ANO4: variants seen among roughly 807,000 people sequenced by gnomAD.
ANO4 encodes the protein anoctamin 4, also known as anoctamin-4.
In ANO4, 69 loss-of-function variants were observed where a neutral mutation model predicts 141.9. The observed-to-expected ratio is 0.49, with a 90% CI of 0.40 to 0.59. The LOEUF is 0.59. ANO4 is among the 20% of genes least tolerant of loss of function. The probability of loss-of-function intolerance (pLI) is 0.00; values close to 1 mark genes in which losing one functional copy is unlikely to be tolerated. For synonymous variants in ANO4, 350 were observed against 394.3 expected, an observed-to-expected ratio of 0.89 and a Z score of 1.33; for missense variants, 894 against 1,162.2, an observed-to-expected ratio of 0.77 and a Z score of 3.36.
chr12:101,014,329 C>T (rs2046227607), intron 8 of ANO4, among the ~76,000 whole-genome samples: 1 of 152,152 alleles, frequency 6.6e-6, no homozygotes, highest in South Asian at 2.1e-4. Context: ...TTTCTCCCTT[C>T]CTAGCAAAAG....
Position 101,110,572 on chromosome 12 carries a change from G to T in ANO4, c.2302+16G>T. On this transcript the variant is annotated intron_variant, in intron 23 of 27. Transcript: ENST00000392977. ...AAAGACATAGGTAAGTTGGATTTGG[G>T]TATGTTTTTAAAAAACATATTAAAC... 2.0e-6 allele frequency: 3 copies of T among 1,528,186 alleles called. No homozygotes were observed. Among genetic ancestry groups the T allele is most frequent in the East Asian group, 2.4e-5 (1 of 42,188 alleles). The allele number at this position is 1,528,186 out of a possible 1,614,324, so 94.7% of individuals were successfully genotyped here.
intron 3 of ANO4, among the ~76,000 whole-genome samples, chr12:100,741,245 C>T (rs1440150077): frequency 6.6e-6 from 1 of 151,536 alleles, no homozygotes; most frequent in African/African-American, 2.4e-5. Flanking sequence ...AATTCTGGTT[C>T]TGGAAATAAA....
At chr12:101,062,526 G>GT (rs573408070) in intron 14 of ANO4, among the ~76,000 whole-genome samples, 90 of 152,356 alleles carry the variant, frequency 5.9e-4, no homozygotes, top group African/African-American at 2.0e-3. Flanking sequence ...AGAGGTGGGA[G>GT]TTTTATCTAT....
chr12:100,734,688 C>T (rs2031529980), intron 2 of ANO4, among the ~76,000 whole-genome samples: 2 of 114,626 alleles, frequency 1.7e-5, no homozygotes, highest in South Asian at 5.5e-4. Context: ...GTCTGTTTGA[C>T]ACTAAATCCT....
At chr12:100,786,324 T>C (rs2033872386) in intron 3 of ANO4, among the ~76,000 whole-genome samples, 1 of 152,138 alleles carries the variant, frequency 6.6e-6, no homozygotes, top group Non-Finnish European at 1.5e-5. Flanking sequence ...GGATGCACTA[T>C]AGCTAACTTC....
chr12:101,125,361 T>C (rs149386735), intron 26 of ANO4, among the ~76,000 whole-genome samples: 268 of 152,242 alleles, frequency 1.8e-3, no homozygotes, highest in African/African-American at 5.9e-3. Flanking sequence ...TTAAGAAGCT[T>C]TTGGGCCAAG....
chr12:101,063,745 C>CTTTTTTTT lies in ANO4; in HGVS notation c.1312+15370_1312+15377dup. ...ATGGATGGAAGGTTGTCCAGGTTAT[C>CTTTTTTTT]TTTTTTTTTTTTTTTTTTTTTTTTT... On this transcript the variant is annotated intron_variant, in intron 14 of 27. Coordinates refer to ENST00000392977, the MANE Select transcript of ANO4 (RefSeq NM_001286615.2). 4.7e-3 allele frequency among the ~76,000 whole-genome samples: 116 copies of CTTTTTTTT among 24,804 alleles called. 19 individuals are homozygous for CTTTTTTTT. Among genetic ancestry groups the CTTTTTTTT allele is most frequent in the African/African-American group, 7.8e-3 (44 of 5,640 alleles). The allele number at this position is 24,804 out of a possible 152,430, so 16.3% of individuals were successfully genotyped here. A position where few individuals can be genotyped will look rare whatever the true frequency, so the allele number is the denominator to read the frequency against.
intron 1 of ANO4, among the ~76,000 whole-genome samples, chr12:100,851,408 T>C (rs191322743): frequency 6.6e-6 from 1 of 152,296 alleles, no homozygotes; most frequent in East Asian, 1.9e-4. Context: ...TTCCCAGAGA[T>C]TTTAATGTTC....
intron 1 of ANO4, among the ~76,000 whole-genome samples, chr12:100,805,164 T>C (rs777379737): frequency 1.3e-5 from 2 of 152,252 alleles, no homozygotes; most frequent in Non-Finnish European, 2.9e-5. Flanking sequence ...ATTTTATGCA[T>C]ATGGCTAGCC....
intron 1 of ANO4, among the ~76,000 whole-genome samples, chr12:100,732,224 T>A (rs1739128786): frequency 6.6e-6 from 1 of 152,246 alleles, no homozygotes; most frequent in Non-Finnish European, 1.5e-5. Flanking sequence ...AGAGGTCCTG[T>A]TGCCAGCATT....
chr12:100,873,910 C>T (rs1362051225), intron 1 of ANO4, among the ~76,000 whole-genome samples: 1 of 152,162 alleles, frequency 6.6e-6, no homozygotes, highest in African/African-American at 2.4e-5. Flanking sequence ...CGGACTGGGC[C>T]CAGGGCCCCG....
chr12:100,764,397 T>C (rs2032994787), intron 3 of ANO4, among the ~76,000 whole-genome samples: 1 of 152,216 alleles, frequency 6.6e-6, no homozygotes, highest in Admixed American at 6.5e-5. Context: ...GCCTCAGAGT[T>C]CTAAGAAAAC....
chr12:100,912,122 G>A (rs79309951), intron 2 of ANO4, among the ~76,000 whole-genome samples: 6,953 of 152,088 alleles, frequency 0.046, 230 homozygotes, highest in Non-Finnish European at 0.065. Flanking sequence ...GTGGCCGGGC[G>A]CGGTGGCTCA....
chr12:100,972,681 A>C (rs2043981739), intron 6 of ANO4, among the ~76,000 whole-genome samples: 2 of 152,226 alleles, frequency 1.3e-5, no homozygotes, highest in African/African-American at 4.8e-5. Flanking sequence ...TATCAATGAT[A>C]TAATAAGTGT....
At chr12:101,000,257 A>G (rs555303153) in intron 8 of ANO4, among the ~76,000 whole-genome samples, 6 of 152,304 alleles carry the variant, frequency 3.9e-5, no homozygotes, top group East Asian at 1.9e-4. Flanking sequence ...ACTGACCTGA[A>G]CTGGAATTGC....
intron 1 of ANO4, among the ~76,000 whole-genome samples, chr12:100,847,139 T>C (rs1359690713): frequency 6.6e-6 from 1 of 152,236 alleles, no homozygotes; most frequent in Admixed American, 6.5e-5. Flanking sequence ...GTATGTGAAG[T>C]GAGGGCAGGG....
At chr12:101,029,414 G>A (rs2046875116) in intron 9 of ANO4, among the ~76,000 whole-genome samples, 1 of 152,146 alleles carries the variant, frequency 6.6e-6, no homozygotes, top group South Asian at 2.1e-4. Context: ...ACCCATTGGT[G>A]TGCTGTATTC....
At chr12:101,042,836 C>T (rs1485046882) in intron 12 of ANO4, among the ~76,000 whole-genome samples, 1 of 152,098 alleles carries the variant, frequency 6.6e-6, no homozygotes, top group Non-Finnish European at 1.5e-5. Flanking sequence ...TGTGTTTTTA[C>T]AACTTGAGCC....
chr12:101,066,540 T>A (rs1341357126), intron 14 of ANO4, among the ~76,000 whole-genome samples: 1 of 152,146 alleles, frequency 6.6e-6, no homozygotes, highest in Non-Finnish European at 1.5e-5. Flanking sequence ...GAACTAGGAA[T>A]TAACCAAAGA....
Sources: allele counts gnomAD v4.1 joint callset (sites outside exome capture counted in the v4.1 genomes callset), GRCh38; gene constraint gnomAD v4.1.1; transcripts MANE v1.5; gene names NCBI Gene and HGNC (gene_info 2026-07-23, HGNC 2026-07-21).